KAZN: variants seen among roughly 807,000 people sequenced by gnomAD.
The protein encoded by KAZN is kazrin, periplakin interacting protein, also known as kazrin.
A neutral mutation model predicts 87.4 loss-of-function variants in KAZN; 40 were observed. The ratio of observed to expected loss-of-function variants is 0.46; its 90% confidence interval spans 0.36 to 0.60. KAZN has a LOEUF of 0.60. Among genes scored for constraint, KAZN ranks in the 20% least tolerant of loss-of-function variants. The pLI, the probability that KAZN is intolerant of heterozygous loss-of-function variation, is 0.00. For synonymous variants in KAZN, 466 were observed against 458.3 expected (o/e 1.02, Z -0.22); for missense variants, 898 against 1,073.9 (o/e 0.84, Z 2.29).
intron 1 of KAZN, among the ~76,000 whole-genome samples, chr1:14,902,419 G>A (rs552236294): frequency 2.0e-4 from 31 of 152,016 alleles, no homozygotes; most frequent in African/African-American, 7.0e-4. Context: ...TAGTAGAGAC[G>A]GGGTTTCACC....
At chr1:14,772,511 G>A (rs890122530) in intron 1 of KAZN, among the ~76,000 whole-genome samples, 6 of 120,772 alleles carry the variant, frequency 5.0e-5, no homozygotes, top group Admixed American at 8.7e-5. Flanking sequence ...CACCTAATAC[G>A]TTTAATAGAT....
At chr1:14,557,406 G>A (rs143854381) in intron 2 of KAZN, among the ~76,000 whole-genome samples, 3 of 152,188 alleles carry the variant, frequency 2.0e-5, no homozygotes, top group East Asian at 1.9e-4. Flanking sequence ...AATCTCCAAT[G>A]TCCATAGGTG....
intron 2 of KAZN, among the ~76,000 whole-genome samples, chr1:14,964,254 C>G (rs1187744573): frequency 1.3e-5 from 2 of 152,140 alleles, no homozygotes; most frequent in African/African-American, 4.8e-5. Context: ...GTAACAATGC[C>G]TGTTTTTCTT....
chr1:14,083,225 T>C (rs1643746644), intron 1 of KAZN, among the ~76,000 whole-genome samples: 1 of 152,252 alleles, frequency 6.6e-6, no homozygotes, highest in African/African-American at 2.4e-5. Flanking sequence ...TTGATTGTTC[T>C]GTACATAGAG....
chr1:14,803,691 G>A (rs560261344), intron 1 of KAZN, among the ~76,000 whole-genome samples: 3 of 152,324 alleles, frequency 2.0e-5, no homozygotes, highest in South Asian at 2.1e-4. Context: ...AGTGCTTTAC[G>A]ACGGCACCTC....
chr1:14,404,102 G>GC (rs1368921597), intron 2 of KAZN, among the ~76,000 whole-genome samples: 1 of 152,248 alleles, frequency 6.6e-6, no homozygotes, highest in Non-Finnish European at 1.5e-5. Flanking sequence ...TAGGTGTGCC[G>GC]TTTGCATAAC....
At chr1:14,206,555 A>C (rs1646748785) in intron 2 of KAZN, among the ~76,000 whole-genome samples, 1 of 152,142 alleles carries the variant, frequency 6.6e-6, no homozygotes, top group Non-Finnish European at 1.5e-5. Flanking sequence ...CATCCTCTTA[A>C]TCTTACCAAG....
chr1:14,322,803 G>A (rs1475535021), intron 2 of KAZN, among the ~76,000 whole-genome samples: 1 of 152,182 alleles, frequency 6.6e-6, no homozygotes, highest in Non-Finnish European at 1.5e-5. Context: ...GGGGGAGGAA[G>A]CATAGCAAAT....
At chr1:14,295,137 T>G (rs146725917) in intron 2 of KAZN, among the ~76,000 whole-genome samples, 1 of 152,128 alleles carries the variant, frequency 6.6e-6, no homozygotes, top group East Asian at 1.9e-4. Flanking sequence ...TGGACAAATA[T>G]GTATCAGATG....
At chr1:14,804,789 C>CGT (rs1553135038) in intron 1 of KAZN, among the ~76,000 whole-genome samples, 1 of 151,456 alleles carries the variant, frequency 6.6e-6, no homozygotes, top group African/African-American at 2.4e-5. Context: ...CAGATCAAGA[C>CGT]GAGCTGTGGT....
At chr1:14,849,936 C>A (rs903748160) in intron 1 of KAZN, among the ~76,000 whole-genome samples, 1 of 149,970 alleles carries the variant, frequency 6.7e-6, no homozygotes, top group Non-Finnish European at 1.5e-5. Flanking sequence ...TTTCTACCCC[C>A]CCTTTTTTTT....
chr1:15,065,864 G>A lies in KAZN; in HGVS notation c.1222+111G>A, dbSNP rs544186971. 191 of 1,537,876 alleles carry A rather than the reference G, an allele frequency of 1.2e-4. 2 individuals carry two copies. In the South Asian group the frequency reaches 1.3e-3, roughly 10 times the overall value. ...CGTGTGGGCGTGTGTGCAAGCGAGC[G>A]TGGGTGCGCGTGTGGCCGTGCGTGG... On this transcript the variant is annotated intron_variant, in intron 8 of 14. Coordinates refer to ENST00000376030, the MANE Select transcript of KAZN (RefSeq NM_201628.3).
intron 1 of KAZN, among the ~76,000 whole-genome samples, chr1:14,167,197 CAG>C (rs1369317039): frequency 4.6e-5 from 7 of 152,194 alleles, no homozygotes; most frequent in Non-Finnish European, 1.0e-4. Flanking sequence ...TCGTCAAGGT[CAG>C]GGGACAGAGC....
At chr1:14,007,884 C>T (rs547016498) in intron 1 of KAZN, among the ~76,000 whole-genome samples, 2 of 152,240 alleles carry the variant, frequency 1.3e-5, no homozygotes, top group East Asian at 1.9e-4. Flanking sequence ...AGGATTCAAG[C>T]GTCCTAGGTT....
chr1:15,114,335 T>C (rs74757967), intron 14 of KAZN, 136 bp from the exon 15 acceptor site: 36,574 of 701,614 alleles, frequency 0.052, 1,231 homozygotes, highest in Non-Finnish European at 0.062. Flanking sequence ...GTATTATTAC[T>C]AATAGGAGGA....
At chr1:14,545,475 A>G (rs906432954) in intron 2 of KAZN, among the ~76,000 whole-genome samples, 3 of 152,156 alleles carry the variant, frequency 2.0e-5, no homozygotes, top group Non-Finnish European at 2.9e-5. Context: ...CTGTACCCAC[A>G]ATACTTCATC....
At chr1:14,298,240 G>T (rs1484966646) in intron 2 of KAZN, among the ~76,000 whole-genome samples, 1 of 152,026 alleles carries the variant, frequency 6.6e-6, no homozygotes, top group Admixed American at 6.6e-5. Flanking sequence ...AAAGTAAATT[G>T]GTTAAACTGG....
At chr1:14,990,308 C>T (rs1230191456) in intron 2 of KAZN, among the ~76,000 whole-genome samples, 1 of 152,126 alleles carries the variant, frequency 6.6e-6, no homozygotes, top group Non-Finnish European at 1.5e-5. Flanking sequence ...CTGCAACCTC[C>T]ACCTCCCAGG....
At chr1:14,802,286 C>T (rs191266399) in intron 1 of KAZN, among the ~76,000 whole-genome samples, 1 of 151,994 alleles carries the variant, frequency 6.6e-6, no homozygotes, top group African/African-American at 2.4e-5. Flanking sequence ...TGCCTGTAGT[C>T]CCAGCTATTA....
Sources: gnomAD v4.1 joint callset for allele counts (sites outside exome capture counted in the v4.1 genomes callset) on GRCh38, gnomAD v4.1.1 for gene constraint, MANE v1.5 for transcripts, NCBI Gene and HGNC (gene_info 2026-07-23, HGNC 2026-07-21) for gene names.